VRTN: variants seen among roughly 807,000 people sequenced by gnomAD.
VRTN encodes vertebrae development associated.
VRTN carries 5 observed loss-of-function variants against 18.2 expected under a neutral mutation model. The observed-to-expected ratio is 0.27, with a 90% CI of 0.14 to 0.58. The LOEUF (loss-of-function observed/expected upper bound fraction) is 0.58, where lower values mean the gene tolerates loss of function less well. Ranked by LOEUF, VRTN falls within the 20% of genes least tolerant of loss-of-function variation. The pLI is 0.91. For synonymous variants in VRTN, 381 were observed against 393.7 expected (o/e 0.97, Z 0.38); for missense variants, 741 against 939.4 (o/e 0.79, Z 2.76).
At chr14:74,306,173 T>TGTA (rs1491480014) in intron 1 of VRTN, 1 of 48,036 alleles carries the variant, frequency 2.1e-5, no homozygotes, top group African/African-American at 1.0e-4. Context: ...TATATATATA[T>TGTA]TTTTTTTTTT....
intron 1 of VRTN, among the ~76,000 whole-genome samples, chr14:74,327,177 C>T (rs895258632): frequency 4.6e-5 from 7 of 152,216 alleles, no homozygotes; most frequent in Non-Finnish European, 7.4e-5. Context: ...ATGGTAGGTG[C>T]GTCGCATCTG....
At chr14:74,343,939 G>T (rs1038509761), upstream of VRTN, among the ~76,000 whole-genome samples, 1 of 151,754 alleles carries the variant, frequency 6.6e-6, no homozygotes, top group Non-Finnish European at 1.5e-5. Flanking sequence ...GGGATTACAG[G>T]TGTGCGCCAC....
intron 1 of VRTN, among the ~76,000 whole-genome samples, chr14:74,311,360 C>A (rs2085387526): frequency 6.6e-6 from 1 of 152,090 alleles, no homozygotes; most frequent in Non-Finnish European, 1.5e-5. Context: ...TTCACACATA[C>A]CCACACTCAA....
chr14:74,320,183 G>C (rs1468349962), intron 1 of VRTN, among the ~76,000 whole-genome samples: 1 of 151,630 alleles, frequency 6.6e-6, no homozygotes, highest in Non-Finnish European at 1.5e-5. Flanking sequence ...CTCAGTCTTC[G>C]AGGCTGCAGT....
chr14:74,332,365 T>G (rs1355110841), intron 1 of VRTN, among the ~76,000 whole-genome samples: 1 of 73,794 alleles, frequency 1.4e-5, no homozygotes, highest in African/African-American at 5.8e-5. Flanking sequence ...TTTTTTTTTT[T>G]TTTTTTTTTT....
intron 1 of VRTN, among the ~76,000 whole-genome samples, chr14:74,335,301 T>C (rs8010893): frequency 0.55 from 84,190 of 151,984 alleles, 24,743 homozygotes; most frequent in East Asian, 0.83. Context: ...TAATAGAATA[T>C]GGGAAGCCAT....
intron 1 of VRTN, among the ~76,000 whole-genome samples, chr14:74,350,688 G>T (rs1480253725): frequency 6.6e-6 from 1 of 152,180 alleles, no homozygotes; most frequent in Non-Finnish European, 1.5e-5. Flanking sequence ...GTGTGGTCTT[G>T]CGAAAGCTAC....
At chr14:74,324,126 C>G (rs575438460) in intron 1 of VRTN, among the ~76,000 whole-genome samples, 2 of 151,764 alleles carry the variant, frequency 1.3e-5, no homozygotes, top group Non-Finnish European at 2.9e-5. Context: ...TGGTGACTCA[C>G]GCCTGTAATC....
intron 1 of VRTN, among the ~76,000 whole-genome samples, chr14:74,334,617 CA>C (rs1224956848): frequency 3.3e-5 from 5 of 152,086 alleles, no homozygotes; most frequent in African/African-American, 4.8e-5. Context: ...TACTGTTTTC[CA>C]AATTTTATAG....
chr14:74,333,180 C>A (rs192969822), intron 1 of VRTN, among the ~76,000 whole-genome samples: 1 of 152,008 alleles, frequency 6.6e-6, no homozygotes, highest in Non-Finnish European at 1.5e-5. Flanking sequence ...GTCGGGAGTT[C>A]GAGACCAGCC....
chr14:74,304,446 G>C (rs946740748), intron 1 of VRTN, among the ~76,000 whole-genome samples: 1 of 152,140 alleles, frequency 6.6e-6, no homozygotes, highest in East Asian at 1.9e-4. Flanking sequence ...GTGAATCACC[G>C]TGCCCGGCCT....
chr14:74,328,501 C>T (rs1374555635), intron 1 of VRTN, among the ~76,000 whole-genome samples: 3 of 152,170 alleles, frequency 2.0e-5, no homozygotes, highest in Non-Finnish European at 4.4e-5. Context: ...CAGGAAGGAA[C>T]TTTTGCAAAA....
rs1250063175 is a variant in VRTN at position 74,332,350 on chromosome 14, T to G, written c.-163-5373T>G. 8.5e-4 allele frequency among the ~76,000 whole-genome samples: 38 copies of G among 44,686 alleles called. 1 individual carries two copies. The East Asian group carries it at 0.052, about 61-fold the overall frequency. The allele number at this position is 44,686 out of a possible 152,430, so 29.3% of individuals were successfully genotyped here. A position where few individuals can be genotyped will look rare whatever the true frequency, so the allele number is the denominator to read the frequency against. The stretch of plus-strand genomic sequence containing the variant: ...CTCCTAATCTGTTTTTTTTTTTTTT[T>G]TTTTTTTTTTTTTTTTTTTTTTTTT... On this transcript the variant is annotated intron_variant, in intron 1 of 2. Coordinates refer to the VRTN transcript ENST00000557177.
intron 1 of VRTN, among the ~76,000 whole-genome samples, chr14:74,313,288 C>T (rs550819853): frequency 6.6e-5 from 10 of 152,192 alleles, no homozygotes; most frequent in African/African-American, 2.4e-4. Context: ...TGAAGCTACT[C>T]CTCTGACCTA....
At chr14:74,311,404 C>T (rs2140192062) in intron 1 of VRTN, among the ~76,000 whole-genome samples, 1 of 151,922 alleles carries the variant, frequency 6.6e-6, no homozygotes, top group African/African-American at 2.4e-5. Flanking sequence ...AAACACTCTG[C>T]CTTGCAGCTT....
upstream of VRTN, among the ~76,000 whole-genome samples, chr14:74,345,704 A>C (rs1276048689): frequency 6.7e-6 from 1 of 149,898 alleles, no homozygotes; most frequent in Non-Finnish European, 1.5e-5. Flanking sequence ...TGGGTGGATC[A>C]CCTGTGGTCA....
At position 74,357,628 on chromosome 14, in the gene VRTN, A is replaced by G; in HGVS notation, c.845A>G (p.Tyr282Cys). ...ELLNREPGLS[Y>C]SHLCERYSVT... is the part of the protein sequence containing the mutation. ...CTCAACCGTGAACCTGGCCTCAGCTACTCTCACCTCTGTGAGCGCTACAGC... is the reference window on the plus strand; with the variant it reads ...CTCAACCGTGAACCTGGCCTCAGCTGCTCTCACCTCTGTGAGCGCTACAGC... The change falls in exon 2 of 2, where the codon TAC becomes TGC. Residue 282 changes from tyrosine to cysteine, a missense_variant. Physicochemically the swap from Tyr to Cys is radical, Grantham distance 194. Transcript: ENST00000256362. The surrounding 1 kb of genome is among the most constrained non-coding windows in gnomAD (Gnocchi z 7.8). 1.2e-6 allele frequency: 2 copies of G among 1,613,752 alleles called. No homozygotes were observed. Among genetic ancestry groups the G allele is most frequent in the East Asian group, 2.2e-5 (1 of 44,864 alleles).
intron 1 of VRTN, among the ~76,000 whole-genome samples, chr14:74,313,915 CAG>C (rs1435847786): frequency 6.6e-6 from 1 of 152,114 alleles, no homozygotes; most frequent in Non-Finnish European, 1.5e-5. Flanking sequence ...ACCTGGGCAA[CAG>C]AGCGAGACAC....
At chr14:74,314,217 G>A (rs1241409715) in intron 1 of VRTN, among the ~76,000 whole-genome samples, 1 of 151,778 alleles carries the variant, frequency 6.6e-6, no homozygotes, top group Non-Finnish European at 1.5e-5. Context: ...TTGCAGCCTT[G>A]AACTTCTGGG....
Sources: allele counts gnomAD v4.1 joint callset (sites outside exome capture counted in the v4.1 genomes callset), GRCh38; gene constraint gnomAD v4.1.1; non-coding constraint Gnocchi (gnomAD v3.1); transcripts MANE v1.5; gene names NCBI Gene and HGNC (gene_info 2026-07-23, HGNC 2026-07-21).